Variants in ARHGAP20 observed in about 807,000 individuals in gnomAD.
The protein encoded by ARHGAP20 is Rho GTPase activating protein 20.
A neutral mutation model predicts 73.7 loss-of-function variants in ARHGAP20; 34 were observed. That is an observed-to-expected ratio of 0.46 (90% CI 0.35 to 0.61). ARHGAP20 has a LOEUF of 0.61. Ranked by LOEUF, ARHGAP20 falls within the 20% of genes least tolerant of loss-of-function variation. The pLI, the probability that ARHGAP20 is intolerant of heterozygous loss-of-function variation, is 0.00. For synonymous variants in ARHGAP20, 523 were observed against 518.2 expected (o/e 1.01, Z -0.13); for missense variants, 1,314 against 1,420.9 (o/e 0.92, Z 1.21).
At chr11:110,638,797 C>A (rs1431896953) in intron 2 of ARHGAP20, among the ~76,000 whole-genome samples, 3 of 151,414 alleles carry the variant, frequency 2.0e-5, no homozygotes, top group African/African-American at 7.3e-5. Context: ...GGGAACTGAA[C>A]AATGAGAACA....
At chr11:110,692,605 A>G (rs1358100057) in intron 1 of ARHGAP20, among the ~76,000 whole-genome samples, 1 of 152,106 alleles carries the variant, frequency 6.6e-6, no homozygotes, top group Non-Finnish European at 1.5e-5. Context: ...TCATTAGTAC[A>G]TAGTTTCTAA....
In ARHGAP20 at chr11:110,712,118, C is replaced by T; in HGVS notation, c.105+9G>A. On this transcript the variant is annotated intron_variant, in intron 1 of 14. Transcript: ENST00000683387. ...GCGGAGGGCACGGGCCCCCGCTCAG[C>T]GTCCTCACCTTCTTGGTGCAGCTGC... The T allele has an allele frequency of 2.3e-6, 3 of 1,329,006 alleles. No individual in the cohort carries two copies. Among genetic ancestry groups the T allele is most frequent in the South Asian group, 2.6e-5 (1 of 38,804 alleles). The allele number at this position is 1,329,006 out of a possible 1,614,324, so 82.3% of individuals were successfully genotyped here.
At chr11:110,607,996 AAC>A in intron 8 of ARHGAP20, among the ~76,000 whole-genome samples, 1 of 152,164 alleles carries the variant, frequency 6.6e-6, no homozygotes, top group African/African-American at 2.4e-5. Context: ...AAAAACCTGA[AAC>A]ACAGTCAATT....
At chr11:110,639,441 T>C (rs1398823345) in intron 2 of ARHGAP20, among the ~76,000 whole-genome samples, 2 of 151,804 alleles carry the variant, frequency 1.3e-5, no homozygotes, top group Non-Finnish European at 2.9e-5. Context: ...AAATATCCCA[T>C]TGTTACCATT....
chr11:110,657,593 C>T (rs1381533148), intron 2 of ARHGAP20, among the ~76,000 whole-genome samples: 1 of 151,988 alleles, frequency 6.6e-6, no homozygotes, highest in Non-Finnish European at 1.5e-5. Context: ...GCAAACAGAC[C>T]TTAGAAATGT....
intron 2 of ARHGAP20, among the ~76,000 whole-genome samples, chr11:110,676,259 T>C (rs1170544721): frequency 6.6e-6 from 1 of 152,160 alleles, no homozygotes; most frequent in African/African-American, 2.4e-5. Context: ...ACTTTGAAGC[T>C]GAATGACAGA....
At chr11:110,605,866 G>A (rs924152851) in intron 9 of ARHGAP20, among the ~76,000 whole-genome samples, 1 of 152,204 alleles carries the variant, frequency 6.6e-6, no homozygotes, top group African/African-American at 2.4e-5. Context: ...GACAAAGGTA[G>A]CTATAGAAAT....
At chr11:110,695,728 T>A (rs1281155141) in intron 1 of ARHGAP20, among the ~76,000 whole-genome samples, 1 of 151,582 alleles carries the variant, frequency 6.6e-6, no homozygotes. Flanking sequence ...CTGGTGGGAA[T>A]GAAAACTGGT....
At chr11:110,631,353 T>C (rs1217262619) in intron 2 of ARHGAP20, among the ~76,000 whole-genome samples, 2 of 152,230 alleles carry the variant, frequency 1.3e-5, no homozygotes, top group Non-Finnish European at 2.9e-5. Flanking sequence ...TCAGCTATTA[T>C]ATAAATTAAC....
intron 2 of ARHGAP20, among the ~76,000 whole-genome samples, chr11:110,656,476 T>C (rs1402364029): frequency 6.6e-6 from 1 of 152,130 alleles, no homozygotes; most frequent in Non-Finnish European, 1.5e-5. Flanking sequence ...CTCTCCCATA[T>C]ATGGCCTTTA....
At chr11:110,696,694 T>C (rs966468014) in intron 1 of ARHGAP20, among the ~76,000 whole-genome samples, 1 of 151,700 alleles carries the variant, frequency 6.6e-6, no homozygotes, top group Non-Finnish European at 1.5e-5. Context: ...TTGTATCTGA[T>C]AGGTAGTTTT....
chr11:110,691,910 A>G (rs1950249711), intron 1 of ARHGAP20, among the ~76,000 whole-genome samples: 1 of 152,208 alleles, frequency 6.6e-6, no homozygotes, highest in Non-Finnish European at 1.5e-5. Flanking sequence ...AATAGATAAC[A>G]TCAAACATCT....
At chr11:110,669,662 C>T (rs1292302431) in intron 2 of ARHGAP20, among the ~76,000 whole-genome samples, 3 of 152,062 alleles carry the variant, frequency 2.0e-5, no homozygotes, top group African/African-American at 7.2e-5. Context: ...CTGACCAGAG[C>T]AAGTGTTGAC....
chr11:110,649,903 G>GA (rs1272525807), intron 2 of ARHGAP20, among the ~76,000 whole-genome samples: 43 of 151,932 alleles, frequency 2.8e-4, no homozygotes, highest in Non-Finnish European at 4.7e-4. Flanking sequence ...AGGTCATAAT[G>GA]AAAAAAATGT....
At chr11:110,624,068 G>A (rs973540505) in intron 4 of ARHGAP20, 94 bp downstream of exon 4, 1 of 1,434,982 alleles carries the variant, frequency 7.0e-7, no homozygotes, top group African/African-American at 1.5e-5. Flanking sequence ...TTAAAAATTA[G>A]AGGAACAACA....
At position 110,611,306 on chromosome 11, in the gene ARHGAP20, TAC is replaced by T. The variant is rs776372140; in HGVS notation, c.708+1_708+2del. On this transcript the variant is annotated splice_donor_variant, in intron 7 of 14. Transcript: ENST00000683387. LOFTEE classifies it high-confidence loss of function. ...ATTAAGAATGTCTAGCAGAATAACTTACAGTTATCCCTAGCATTGGTAATGAC... is the reference window on the plus strand; with the variant it reads ...ATTAAGAATGTCTAGCAGAATAACTTAGTTATCCCTAGCATTGGTAATGAC... 7 of 1,508,762 alleles carry T rather than the reference TAC, an allele frequency of 4.6e-6. No homozygotes were observed. The highest frequency in any genetic ancestry group is 1.8e-6 in the Non-Finnish European group (2 of 1,110,794). The allele number at this position is 1,508,762 out of a possible 1,614,324, so 93.5% of individuals were successfully genotyped here. A position where few individuals can be genotyped will look rare whatever the true frequency, so the allele number is the denominator to read the frequency against.
chr11:110,580,253 A>G lies in ARHGAP20; in HGVS notation c.2693T>C (p.Leu898Pro). ...CCCCATGACTAAACTCTGATTAATG[A>G]GCTTCTGCCCCTCCATTTGCAAAGA... ...HKSLQMEGQKLINQSLVMGIE... is the reference protein window; with the variant it reads ...HKSLQMEGQKPINQSLVMGIE... Residue 898 changes from leucine to proline, a missense_variant, in exon 15 of 15, where the codon CTC becomes CCC. Transcript: ENST00000683387. 5 of 1,614,166 alleles carry G rather than the reference A, an allele frequency of 3.1e-6. No homozygotes were observed. Among genetic ancestry groups the G allele is most frequent in the Non-Finnish European group, 4.2e-6 (5 of 1,180,032 alleles).
intron 2 of ARHGAP20, among the ~76,000 whole-genome samples, chr11:110,673,891 G>GAC (rs1949877387): frequency 6.6e-6 from 1 of 151,632 alleles, no homozygotes; most frequent in South Asian, 2.1e-4. Flanking sequence ...TCAGAGAGAA[G>GAC]TAAATTTAAA....
At chr11:110,633,945 G>A (rs1394892226) in intron 2 of ARHGAP20, among the ~76,000 whole-genome samples, 1 of 152,086 alleles carries the variant, frequency 6.6e-6, no homozygotes. Context: ...GAACTGCCAA[G>A]GGAAGGAGCA....
Sources: gnomAD v4.1 joint callset for allele counts (sites outside exome capture counted in the v4.1 genomes callset) on GRCh38, gnomAD v4.1.1 for gene constraint, MANE v1.5 for transcripts, NCBI Gene and HGNC (gene_info 2026-07-23, HGNC 2026-07-21) for gene names.